EYA1: variants seen among roughly 807,000 people sequenced by gnomAD.
EYA1 encodes protein phosphatase EYA1.
In EYA1, 16 loss-of-function variants were observed where a neutral mutation model predicts 82.0. The observed-to-expected ratio is 0.20, with a 90% CI of 0.13 to 0.30. The LOEUF (loss-of-function observed/expected upper bound fraction) is 0.30. Among genes scored for constraint, EYA1 ranks in the 10% least tolerant of loss-of-function variants. The pLI, the probability that EYA1 is intolerant of heterozygous loss-of-function variation, is 1.00. For missense variants in EYA1, 633 were observed against 730.7 expected, an observed-to-expected ratio of 0.87 and a Z score of 1.54; for synonymous variants, 261 against 264.4, an observed-to-expected ratio of 0.99 and a Z score of 0.12.
chr8:71,484,880 A>G (rs1586809791), intron 2 of EYA1, among the ~76,000 whole-genome samples: 1 of 152,066 alleles, frequency 6.6e-6, no homozygotes, highest in South Asian at 2.1e-4. Flanking sequence ...GTCCCGGGGG[A>G]CCTGGAGGGT....
rs557000163 is a variant in EYA1 at position 71,212,028 on chromosome 8, G to A, written c.1598-772C>T. Among the ~76,000 whole-genome samples, 22 of 152,254 alleles carry A rather than the reference G, an allele frequency of 1.4e-4. No homozygotes were observed. The South Asian group carries it at 2.5e-3, about 17-fold the overall frequency. On this transcript the variant is annotated intron_variant, in intron 16 of 17. Coordinates refer to ENST00000340726, the MANE Select transcript of EYA1 (RefSeq NM_000503.6). ...TTTGGGCTCCTGTGGTGGCTACACT[G>A]TCAGCACATTCCCACAGTTAATGCA...
At chr8:71,530,465 T>C (rs1176773568) in intron 2 of EYA1, among the ~76,000 whole-genome samples, 1 of 152,236 alleles carries the variant, frequency 6.6e-6, no homozygotes, top group East Asian at 1.9e-4. Flanking sequence ...CTAATAAAGA[T>C]GCTCGGCTTT....
chr8:71,474,019 G>T (rs758548816), intron 2 of EYA1, among the ~76,000 whole-genome samples: 1 of 151,952 alleles, frequency 6.6e-6, no homozygotes, highest in African/African-American at 2.4e-5. Flanking sequence ...TGGACACAGG[G>T]AGGGGAACAT....
At chr8:71,302,188 C>T (rs1456428413) in intron 7 of EYA1, among the ~76,000 whole-genome samples, 4 of 152,024 alleles carry the variant, frequency 2.6e-5, no homozygotes, top group South Asian at 2.1e-4. Context: ...TTTTAGGTTA[C>T]GACTTGCTAT....
At chr8:71,509,241 T>C (rs1812422428) in intron 2 of EYA1, among the ~76,000 whole-genome samples, 1 of 152,034 alleles carries the variant, frequency 6.6e-6, no homozygotes, top group African/African-American at 2.4e-5. Flanking sequence ...AATAAATAAA[T>C]AAATAAATAA....
intron 1 of EYA1, among the ~76,000 whole-genome samples, chr8:71,545,192 G>T (rs1815447999): frequency 1.3e-5 from 2 of 152,174 alleles, no homozygotes; most frequent in Non-Finnish European, 2.9e-5. Flanking sequence ...TCAGTACAAT[G>T]GCATTAATGC....
At chr8:71,321,492 C>A (rs558515186) in intron 6 of EYA1, among the ~76,000 whole-genome samples, 1 of 152,122 alleles carries the variant, frequency 6.6e-6, no homozygotes, top group Non-Finnish European at 1.5e-5. Context: ...AGATGTAAAT[C>A]GAGAAAAATG....
rs761755658 is a variant in EYA1 at position 71,216,797 on chromosome 8, A to G, written c.1255T>C (p.Cys419Arg). Residue 419 changes from cysteine (C) to arginine (R), a missense_variant, in exon 14 of 18, where the codon TGT (cysteine) becomes CGT (arginine). Cys to Arg is a radical substitution (Grantham distance 180). Transcript: ENST00000340726. ...FPAAATSANL[C>R]LATGVRGGVD... ...CCGCCCCGTACACCAGTTGCCAAACATAAGTTAGCACTGGTTGCTGCAGCA... is the reference window on the plus strand; with the variant it reads ...CCGCCCCGTACACCAGTTGCCAAACGTAAGTTAGCACTGGTTGCTGCAGCA... 6 of 1,614,078 alleles carry G rather than the reference A, an allele frequency of 3.7e-6. No homozygotes were observed. The highest frequency in any genetic ancestry group is 2.7e-5 in the African/African-American group (2 of 74,950).
At chr8:71,237,574 A>G (rs1811996412) in intron 12 of EYA1, among the ~76,000 whole-genome samples, 1 of 152,224 alleles carries the variant, frequency 6.6e-6, no homozygotes, top group South Asian at 2.1e-4. Context: ...GGACATACAG[A>G]AAAGCATAAA....
chr8:71,380,494 C>T (rs1303268429), intron 2 of EYA1, among the ~76,000 whole-genome samples: 4 of 152,150 alleles, frequency 2.6e-5, no homozygotes, highest in African/African-American at 9.7e-5. Context: ...AGCCTGCAGC[C>T]CTGCCCCTGC....
In EYA1 at chr8:71,271,779, A is replaced by T. The variant is rs570472143; in HGVS notation, c.945T>A (p.Pro315=). 6.2e-7 allele frequency: 1 copy of T among 1,614,022 alleles called. No individual in the cohort carries two copies. Residue 315 remains proline, a synonymous_variant, in exon 10 of 18, where the codon CCT becomes CCA. Transcript: ENST00000340726. ...GTACCTCAAGATCAGAATCTGGGGG[A>T]GGTGAAGGATTATTGTTTCTTCGGC... is the stretch of plus-strand genomic sequence containing the variant. ...GRGRRNNNPS[P]PPDSDLERVF...
chr8:71,387,720 T>C (rs1829044840), intron 2 of EYA1, among the ~76,000 whole-genome samples: 1 of 152,110 alleles, frequency 6.6e-6, no homozygotes, highest in African/African-American at 2.4e-5. Flanking sequence ...ACATACCTTT[T>C]AGATACTCTA....
intron 16 of EYA1, among the ~76,000 whole-genome samples, chr8:71,212,596 C>T (rs897168325): frequency 2.0e-5 from 3 of 152,044 alleles, no homozygotes; most frequent in Non-Finnish European, 2.9e-5. Context: ...GGGCTCATTG[C>T]CAATTTGGGG....
rs372933229 is a variant in EYA1 at position 71,463,898 on chromosome 8, G to A, written c.33+71846C>T. Among the ~76,000 whole-genome samples the A allele has an allele frequency of 1.3e-4, 19 of 151,752 alleles. No individual in the cohort carries two copies. The East Asian group carries it at 1.4e-3, about 11-fold the overall frequency. ...TTTTCCCTCTTTTTGGAGCTTTCTC[G>A]CCTTCACATTTTCTTTAGTGTAAAA... On this transcript the variant is annotated intron_variant, in intron 2 of 18. Coordinates refer to the EYA1 transcript ENST00000643681.
intron 10 of EYA1, chr8:71,270,180 T>C: frequency 1.0e-5 from 2 of 199,348 alleles, no homozygotes; most frequent in Non-Finnish European, 2.1e-5. Context: ...CAACTAATCA[T>C]ATATCATTTA....
At position 71,520,305 on chromosome 8, in the gene EYA1, G is replaced by A. The variant is rs375544743; in HGVS notation, c.33+15439C>T. Among the ~76,000 whole-genome samples, 13 of 152,174 alleles carry A rather than the reference G, an allele frequency of 8.5e-5. No homozygotes were observed. In the East Asian group the frequency reaches 1.5e-3, roughly 18 times the overall value. ...CTGCTAGGCAGTCCCTGAGCACTGC[G>A]CTGTGCAAGTGCCTTAGGAGGCTTA... On this transcript the variant is annotated intron_variant, in intron 2 of 18. Transcript: ENST00000643681.
intron 2 of EYA1, among the ~76,000 whole-genome samples, chr8:71,447,082 T>TTATA (rs5892279): frequency 9.7e-4 from 141 of 144,874 alleles, no homozygotes; most frequent in Middle Eastern, 3.6e-3. Context: ...TTGATAATCT[T>TTATA]TATATATATA....
At chr8:71,523,684 G>T (rs754671767) in intron 2 of EYA1, among the ~76,000 whole-genome samples, 2 of 152,136 alleles carry the variant, frequency 1.3e-5, no homozygotes, top group African/African-American at 2.4e-5. Context: ...ATTACTAATG[G>T]TTCTGTGAAT....
At chr8:71,210,853 G>T (rs1034491996) in intron 17 of EYA1, among the ~76,000 whole-genome samples, 9 of 152,334 alleles carry the variant, frequency 5.9e-5, no homozygotes, top group Admixed American at 3.3e-4. Flanking sequence ...TACAGAAAAG[G>T]TCCTGCTGGC....
Sources: allele counts gnomAD v4.1 joint callset (sites outside exome capture counted in the v4.1 genomes callset), GRCh38; gene constraint gnomAD v4.1.1; transcripts MANE v1.5; gene names NCBI Gene and HGNC (gene_info 2026-07-23, HGNC 2026-07-21).